SLC24A3: variants seen among roughly 807,000 people sequenced by gnomAD.
The protein encoded by SLC24A3 is solute carrier family 24 member 3.
In SLC24A3, 28 loss-of-function variants were observed where a neutral mutation model predicts 75.8. That is an observed-to-expected ratio of 0.37 (90% CI 0.27 to 0.51). SLC24A3 has a LOEUF of 0.51. Among genes scored for constraint, SLC24A3 ranks in the 20% least tolerant of loss-of-function variants. The probability of loss-of-function intolerance (pLI) is 0.94; values close to 1 mark genes in which losing one functional copy is unlikely to be tolerated. For synonymous variants in SLC24A3, 372 were observed against 334.1 expected, an observed-to-expected ratio of 1.11 and a Z score of -1.24; for missense variants, 663 against 847.8, an observed-to-expected ratio of 0.78 and a Z score of 2.71.
intron 2 of SLC24A3, among the ~76,000 whole-genome samples, chr20:19,483,939 A>G: frequency 6.6e-6 from 1 of 152,242 alleles, no homozygotes; most frequent in Non-Finnish European, 1.5e-5. Flanking sequence ...AAATAAAAAA[A>G]TCCAAATAGA....
intron 12 of SLC24A3, among the ~76,000 whole-genome samples, chr20:19,686,889 C>T (rs1169393583): frequency 1.3e-5 from 2 of 152,200 alleles, no homozygotes; most frequent in African/African-American, 4.8e-5. Flanking sequence ...AATGTACACT[C>T]GTTCTTTATC....
In SLC24A3 at chr20:19,403,457, A is replaced by G. The variant is rs546187426; in HGVS notation, c.272-112031A>G. 1.2e-4 allele frequency among the ~76,000 whole-genome samples: 18 copies of G among 152,340 alleles called. No homozygotes were observed. The East Asian group carries it at 3.5e-3, about 29-fold the overall frequency. On this transcript the variant is annotated intron_variant, in intron 2 of 16. Transcript: ENST00000328041. Reference sequence around the variant, plus strand: ...AACTCTGGGAGCCATGTGGTGAACAAACAGACCCCATCTCTGCCTTCATCT... The same window carrying G: ...AACTCTGGGAGCCATGTGGTGAACAGACAGACCCCATCTCTGCCTTCATCT...
At chr20:19,524,344 C>T (rs1458913685) in intron 3 of SLC24A3, among the ~76,000 whole-genome samples, 1 of 152,230 alleles carries the variant, frequency 6.6e-6, no homozygotes, top group Non-Finnish European at 1.5e-5. Context: ...CCAGTCCCTC[C>T]TCGACATCCA....
chr20:19,337,298 G>C (rs1005643870), intron 2 of SLC24A3, among the ~76,000 whole-genome samples: 1 of 152,040 alleles, frequency 6.6e-6, no homozygotes, highest in African/African-American at 2.4e-5. Flanking sequence ...TACAAAATTA[G>C]CCAGGTGTGG....
chr20:19,265,485 T>A (rs1391489547), intron 1 of SLC24A3, among the ~76,000 whole-genome samples: 1 of 152,104 alleles, frequency 6.6e-6, no homozygotes, highest in Non-Finnish European at 1.5e-5. Flanking sequence ...TTACTGGGGT[T>A]CTGTTTGGGA....
intron 8 of SLC24A3, among the ~76,000 whole-genome samples, chr20:19,671,060 A>G (rs946525143): frequency 6.6e-6 from 1 of 152,254 alleles, no homozygotes; most frequent in African/African-American, 2.4e-5. Context: ...CAGACTGCTT[A>G]GAGGTTTGAA....
chr20:19,607,524 A>G (rs1049251080), intron 6 of SLC24A3, among the ~76,000 whole-genome samples: 1 of 152,226 alleles, frequency 6.6e-6, no homozygotes, highest in Non-Finnish European at 1.5e-5. Flanking sequence ...CTTGCTCATT[A>G]ATGTACCATT....
At chr20:19,280,387 G>A (rs1243974074) in intron 1 of SLC24A3, among the ~76,000 whole-genome samples, 1 of 152,112 alleles carries the variant, frequency 6.6e-6, no homozygotes, top group Admixed American at 6.5e-5. Context: ...CCTGATGTAT[G>A]TTCAATGGTG....
At chr20:19,603,802 C>G (rs1014435195) in intron 6 of SLC24A3, among the ~76,000 whole-genome samples, 6 of 152,118 alleles carry the variant, frequency 3.9e-5, no homozygotes, top group Admixed American at 1.3e-4. Context: ...GCTGTGAGTT[C>G]CAGGGGTGAC....
At chr20:19,620,220 G>A (rs181962561) in intron 6 of SLC24A3, among the ~76,000 whole-genome samples, 2 of 152,288 alleles carry the variant, frequency 1.3e-5, no homozygotes, top group African/African-American at 4.8e-5. Flanking sequence ...TATCAGGGCA[G>A]CTTCCAGCAT....
Position 19,710,525 on chromosome 20 carries a change from G to GTGT in SLC24A3, c.1720-7002_1720-7001insGTT, listed in dbSNP as rs991067993. On this transcript the variant is annotated intron_variant, in intron 15 of 16. Transcript: ENST00000328041. ...GCAAGAAATGAAAACAGCATTAAAT[G>GTGT]TCAGGACTGAACAATCTGAGATGTG... is the stretch of plus-strand genomic sequence containing the variant. Among the ~76,000 whole-genome samples the GTGT allele has an allele frequency of 2.6e-4, 40 of 152,336 alleles. 1 individual carries two copies. Among genetic ancestry groups the GTGT allele is most frequent in the African/African-American group, 8.2e-4 (34 of 41,574 alleles).
rs185358279 is a variant in SLC24A3 at position 19,583,889 on chromosome 20, G to A, written c.424-1082G>A. ...TTCGCTGTCCAGCCGACAGCGAAGC[G>A]ACCCAGGATCCTAGATCAAAATCCT... is the stretch of plus-strand genomic sequence containing the variant. On this transcript the variant is annotated intron_variant, in intron 4 of 16. Transcript: ENST00000328041. Among the ~76,000 whole-genome samples the A allele has an allele frequency of 9.2e-5, 14 of 152,304 alleles. No individual in the cohort carries two copies. In the East Asian group the frequency reaches 2.3e-3, roughly 25 times the overall value.
chr20:19,381,101 A>G (rs144120432), intron 2 of SLC24A3, among the ~76,000 whole-genome samples: 1 of 152,152 alleles, frequency 6.6e-6, no homozygotes, highest in African/African-American at 2.4e-5. Flanking sequence ...TAATATACAC[A>G]CCACTATTAC....
rs371952540 is a variant in SLC24A3 at position 19,362,832 on chromosome 20, C to T, written c.271+81745C>T. Among the ~76,000 whole-genome samples the T allele has an allele frequency of 4.1e-4, 62 of 152,164 alleles. No homozygotes were observed. The South Asian group carries it at 0.012, about 29-fold the overall frequency. ...ACTGAGCTGGAATCTCCATGGGTCT[C>T]GGGGCAAAAATAAGGTTGCCTTATG... On this transcript the variant is annotated intron_variant, in intron 2 of 16. Transcript: ENST00000328041.
chr20:19,642,491 C>T (rs1181893957), intron 6 of SLC24A3, among the ~76,000 whole-genome samples: 1 of 152,188 alleles, frequency 6.6e-6, no homozygotes, highest in Non-Finnish European at 1.5e-5. Context: ...GCTCAGGCTT[C>T]CAGGCCCCAC....
At chr20:19,513,854 A>G (rs1267686194) in intron 2 of SLC24A3, among the ~76,000 whole-genome samples, 1 of 152,084 alleles carries the variant, frequency 6.6e-6, no homozygotes, top group Non-Finnish European at 1.5e-5. Flanking sequence ...ACCACATTTC[A>G]GTTCATTAAC....
rs775418199 is a variant in SLC24A3 at position 19,685,310 on chromosome 20, G to C, written c.1273G>C (p.Glu425Gln). Residue 425 changes from glutamate (E) to glutamine (Q), a missense_variant, in exon 12 of 17, where the codon GAG becomes CAG. Glu to Gln is a conservative substitution (Grantham distance 29). Around this residue, in one of 2 missense-constraint regions of SLC24A3, gnomAD observed 510 missense variants for 703.6 expected, o/e 0.72. Coordinates refer to ENST00000328041, the MANE Select transcript of SLC24A3 (RefSeq NM_020689.4). ...GGACAATGAGAATGATGAGGAGGAA[G>C]AGGAGGACGAGGATGATGATGAAGG... The part of the protein sequence containing the change: ...NEDNENDEEE[E>Q]EDEDDDEGPY... 1 of 1,614,178 alleles carries C rather than the reference G, an allele frequency of 6.2e-7. No individual in the cohort carries two copies. The highest frequency in any genetic ancestry group is 2.2e-5 in the East Asian group (1 of 44,878).
At position 19,441,810 on chromosome 20, in the gene SLC24A3, C is replaced by T. The variant is rs1348790083; in HGVS notation, c.272-73678C>T. Among the ~76,000 whole-genome samples, 3 of 152,210 alleles carry T rather than the reference C, an allele frequency of 2.0e-5. 1 individual carries two copies. In the South Asian group the frequency reaches 6.2e-4, roughly 32 times the overall value. On this transcript the variant is annotated intron_variant, in intron 2 of 16. Transcript: ENST00000328041. ...AAAATTGTTTAATTGCCCTAAAAAT[C>T]CTCAGTGCTCTGCTAATCCATCCCT...
At chr20:19,584,908 C>T (rs1019227644) in intron 4 of SLC24A3, 63 bp from the exon 5 acceptor site, 2 of 1,491,868 alleles carry the variant, frequency 1.3e-6, no homozygotes, top group African/African-American at 2.8e-5. Context: ...TCGGGTGTCA[C>T]AGTCACCTCT....
Sources: gnomAD v4.1 joint callset for allele counts (sites outside exome capture counted in the v4.1 genomes callset) on GRCh38, gnomAD v4.1.1 for gene constraint, gnomAD v4.1.1 regional missense constraint, MANE v1.5 for transcripts, NCBI Gene and HGNC (gene_info 2026-07-23, HGNC 2026-07-21) for gene names.